FGF12: variants seen among roughly 807,000 people sequenced by gnomAD.
FGF12 encodes the protein fibroblast growth factor 12B.
In FGF12, 14 loss-of-function variants were observed where a neutral mutation model predicts 23.6. The observed-to-expected ratio is 0.59, with a 90% CI of 0.39 to 0.93. The LOEUF (loss-of-function observed/expected upper bound fraction) is 0.93, where lower values mean the gene tolerates loss of function less well. Ranked by LOEUF, FGF12 falls within the 40% of genes least tolerant of loss-of-function variation. The pLI, the probability that FGF12 is intolerant of heterozygous loss-of-function variation, is 0.00. For missense variants in FGF12, 175 were observed against 217.8 expected (o/e 0.80, Z 1.24); for synonymous variants, 62 against 77.3 (o/e 0.80, Z 1.04).
intron 2 of FGF12, among the ~76,000 whole-genome samples, chr3:192,525,753 T>C (rs2108848235): frequency 6.6e-6 from 1 of 152,280 alleles, no homozygotes; most frequent in Non-Finnish European, 1.5e-5. Context: ...ACTCCATCCA[T>C]GTCCTTGAGT....
At chr3:192,438,444 G>A (rs1722093994) in intron 2 of FGF12, among the ~76,000 whole-genome samples, 1 of 152,214 alleles carries the variant, frequency 6.6e-6, no homozygotes, top group African/African-American at 2.4e-5. Context: ...GAAACTTATA[G>A]CCAATCTAGA....
intron 4 of FGF12, among the ~76,000 whole-genome samples, chr3:192,222,437 C>T (rs1175590549): frequency 6.6e-6 from 1 of 152,048 alleles, no homozygotes; most frequent in African/African-American, 2.4e-5. Context: ...TATTGGATTC[C>T]AGATTAATTT....
chr3:192,405,360 C>A (rs896658376), intron 2 of FGF12, among the ~76,000 whole-genome samples: 2 of 151,254 alleles, frequency 1.3e-5, no homozygotes, highest in African/African-American at 2.5e-5. Flanking sequence ...AGGAGAGATA[C>A]TCAATGTGTC....
intron 2 of FGF12, among the ~76,000 whole-genome samples, chr3:192,676,029 T>C (rs1430654363): frequency 6.6e-6 from 1 of 152,220 alleles, no homozygotes. Context: ...TGACAAAGCC[T>C]GTCCAAATGG....
At chr3:192,303,654 CAG>C (rs1394593851) in intron 4 of FGF12, among the ~76,000 whole-genome samples, 1 of 152,268 alleles carries the variant, frequency 6.6e-6, no homozygotes, top group East Asian at 1.9e-4. Flanking sequence ...GAACAGGTAT[CAG>C]AGTGTGGTGG....
At chr3:192,181,828 G>T (rs924537593) in intron 4 of FGF12, among the ~76,000 whole-genome samples, 2 of 151,778 alleles carry the variant, frequency 1.3e-5, no homozygotes, top group Non-Finnish European at 2.9e-5. Context: ...ACAGGGTTTT[G>T]CTGTGTTCCC....
chr3:192,276,815 A>G (rs561108248), intron 4 of FGF12, among the ~76,000 whole-genome samples: 2 of 152,298 alleles, frequency 1.3e-5, no homozygotes, highest in East Asian at 3.9e-4. Flanking sequence ...AGGTAATAAG[A>G]TTCCCTTTCC....
chr3:192,499,708 T>A (rs182857047), intron 2 of FGF12, among the ~76,000 whole-genome samples: 236 of 150,640 alleles, frequency 1.6e-3, no homozygotes, highest in African/African-American at 5.5e-3. Context: ...ATTGTTTGTA[T>A]TTTTAGTAGA....
At chr3:192,415,236 C>G (rs1721310342) in intron 2 of FGF12, among the ~76,000 whole-genome samples, 1 of 152,022 alleles carries the variant, frequency 6.6e-6, no homozygotes, top group Admixed American at 6.6e-5. Context: ...ATCATTTTAG[C>G]CCTACTCTAA....
chr3:192,363,408 C>T (rs923891967), intron 2 of FGF12, among the ~76,000 whole-genome samples: 2 of 152,052 alleles, frequency 1.3e-5, no homozygotes, highest in African/African-American at 2.4e-5. Flanking sequence ...CCTGGGAATT[C>T]GGGTTGGTAA....
intron 2 of FGF12, among the ~76,000 whole-genome samples, chr3:192,706,549 C>T (rs1206088462): frequency 6.6e-6 from 1 of 152,066 alleles, no homozygotes. Flanking sequence ...CAAGCAGAAA[C>T]AATTGGGAGT....
intron 2 of FGF12, among the ~76,000 whole-genome samples, chr3:192,364,092 C>T (rs1718863114): frequency 6.6e-6 from 1 of 152,144 alleles, no homozygotes; most frequent in Non-Finnish European, 1.5e-5. Flanking sequence ...GTAGGATTGC[C>T]ATAGGCAAGG....
chr3:192,701,678 T>G (rs1560199126), intron 2 of FGF12, among the ~76,000 whole-genome samples: 1 of 152,162 alleles, frequency 6.6e-6, no homozygotes, highest in Non-Finnish European at 1.5e-5. Flanking sequence ...ATTTTGTGAT[T>G]GAGCAAGACA....
intron 2 of FGF12, among the ~76,000 whole-genome samples, chr3:192,415,735 C>CAA (rs1560104830): frequency 1.5e-5 from 2 of 129,622 alleles, no homozygotes; most frequent in East Asian, 4.5e-4. Context: ...CTCTCTCTCA[C>CAA]ACACACACAC....
At chr3:192,160,719 A>G (rs1714823117) in intron 5 of FGF12, among the ~76,000 whole-genome samples, 1 of 152,180 alleles carries the variant, frequency 6.6e-6, no homozygotes, top group Non-Finnish European at 1.5e-5. Flanking sequence ...CGCTTAGTAG[A>G]TGTTTCATAG....
intron 3 of FGF12, among the ~76,000 whole-genome samples, chr3:192,349,400 C>T (rs1172213014): frequency 6.6e-6 from 1 of 152,056 alleles, no homozygotes; most frequent in Admixed American, 6.6e-5. Flanking sequence ...TTTTCCACTA[C>T]TTCAAGAAAC....
chr3:192,541,080 G>A (rs1725352148), intron 2 of FGF12, among the ~76,000 whole-genome samples: 1 of 151,926 alleles, frequency 6.6e-6, no homozygotes, highest in African/African-American at 2.4e-5. Flanking sequence ...AATCCATTTA[G>A]CTACTCTATG....
At chr3:192,447,072 C>G (rs1410454137) in intron 2 of FGF12, among the ~76,000 whole-genome samples, 2 of 152,186 alleles carry the variant, frequency 1.3e-5, no homozygotes, top group Non-Finnish European at 2.9e-5. Flanking sequence ...CCATCTTCAA[C>G]CTAATCAGTC....
At position 192,336,757 on chromosome 3, in the gene FGF12, G is replaced by T. The variant is rs532298173; in HGVS notation, c.125-1293C>A. On this transcript the variant is annotated intron_variant, in intron 3 of 5. Transcript: ENST00000445105. The surrounding 1 kb of genome is among the most constrained non-coding windows in gnomAD (Gnocchi z 4.3). ...ATTTAGGGATGCCTCTATTTTTCTC[G>T]GCTTCTCTCAACCTACAATAGTAAG... Among the ~76,000 whole-genome samples, 1 of 151,644 alleles carries T rather than the reference G, an allele frequency of 6.6e-6. No homozygotes were observed. The highest frequency in any genetic ancestry group is 2.4e-5 in the African/African-American group (1 of 41,264).
Sources: gnomAD v4.1 joint callset for allele counts (sites outside exome capture counted in the v4.1 genomes callset) on GRCh38, gnomAD v4.1.1 for gene constraint, Gnocchi (gnomAD v3.1) non-coding constraint, MANE v1.5 for transcripts, NCBI Gene and HGNC (gene_info 2026-07-23, HGNC 2026-07-21) for gene names.